NCKAP5: variants seen among roughly 807,000 people sequenced by gnomAD.
The protein encoded by NCKAP5 is NCK associated protein 5.
NCKAP5 carries 92 observed loss-of-function variants against 167.0 expected under a neutral mutation model. The observed-to-expected ratio is 0.55, with a 90% CI of 0.47 to 0.66. The LOEUF (loss-of-function observed/expected upper bound fraction) is 0.66. Ranked by LOEUF, NCKAP5 falls within the 30% of genes least tolerant of loss-of-function variation. The pLI, the probability that NCKAP5 is intolerant of heterozygous loss-of-function variation, is 0.00. For missense variants in NCKAP5, 2,378 were observed against 2,315.0 expected (o/e 1.03, Z -0.56); for synonymous variants, 891 against 877.4 (o/e 1.02, Z -0.27).
intron 4 of NCKAP5, among the ~76,000 whole-genome samples, chr2:133,242,119 C>CAAAAAAAAA (rs1176776551): frequency 6.2e-5 from 3 of 48,266 alleles, no homozygotes; most frequent in African/African-American, 2.1e-4. Context: ...AACTCTGTCT[C>CAAAAAAAAA]AAAAAAAAAA....
At position 133,544,692 on chromosome 2, in the gene NCKAP5, T is replaced by C. The variant is rs377299884; in HGVS notation, c.-62+14358A>G. Among the ~76,000 whole-genome samples, 8 of 152,336 alleles carry C rather than the reference T, an allele frequency of 5.3e-5. No individual in the cohort carries two copies. In the South Asian group the frequency reaches 1.4e-3, roughly 28 times the overall value. On this transcript the variant is annotated intron_variant, in intron 2 of 19. Transcript: ENST00000409261. ...TCTTGTGCATGTCTCTTCACACAAA[T>C]GGATGAACTGTTTTCTAGGATAAAT...
At chr2:133,657,373 C>T in the NCKAP5 span, among the ~76,000 whole-genome samples, 1 of 152,198 alleles carries the variant, frequency 6.6e-6, no homozygotes, top group Non-Finnish European at 1.5e-5. Flanking sequence ...TATTTTTTCA[C>T]TAAATCAGAG....
chr2:133,301,389 G>C (rs1396010870), intron 4 of NCKAP5, among the ~76,000 whole-genome samples: 1 of 73,580 alleles, frequency 1.4e-5, no homozygotes, highest in Non-Finnish European at 2.5e-5. Flanking sequence ...ATACTACAAG[G>C]CTACAGTAAC....
chr2:133,524,091 C>A (rs948293879), intron 2 of NCKAP5, among the ~76,000 whole-genome samples: 14 of 152,102 alleles, frequency 9.2e-5, no homozygotes, highest in African/African-American at 2.9e-4. Flanking sequence ...TAAGGCCCAT[C>A]CCTAGATGGA....
chr2:132,990,027 T>C (rs1188402620), intron 7 of NCKAP5, among the ~76,000 whole-genome samples: 2 of 152,140 alleles, frequency 1.3e-5, no homozygotes, highest in African/African-American at 4.8e-5. Context: ...GCACCAAGCA[T>C]ATGTGCCCTG....
chr2:133,236,876 A>C (rs1290168153), intron 4 of NCKAP5, among the ~76,000 whole-genome samples: 2 of 152,154 alleles, frequency 1.3e-5, no homozygotes, highest in Admixed American at 6.5e-5. Context: ...GTTTCAACTC[A>C]AAGTCCACAT....
intron 6 of NCKAP5, among the ~76,000 whole-genome samples, chr2:133,081,652 T>C (rs2080812217): frequency 6.6e-6 from 1 of 152,190 alleles, no homozygotes; most frequent in Admixed American, 6.5e-5. Context: ...AAGCACACTT[T>C]TACATGCTAC....
intron 5 of NCKAP5, among the ~76,000 whole-genome samples, chr2:133,189,949 A>C (rs2085134626): frequency 6.6e-6 from 1 of 152,132 alleles, no homozygotes; most frequent in African/African-American, 2.4e-5. Context: ...GAAAGAAATA[A>C]AGGGTATTCA....
intron 13 of NCKAP5, among the ~76,000 whole-genome samples, chr2:132,787,943 C>T (rs1313443342): frequency 6.6e-6 from 1 of 152,218 alleles, no homozygotes; most frequent in Non-Finnish European, 1.5e-5. Context: ...TGCCTCCTTT[C>T]TGCCATTCTG....
the NCKAP5 span, among the ~76,000 whole-genome samples, chr2:133,606,440 C>T: frequency 6.6e-6 from 1 of 152,244 alleles, no homozygotes; most frequent in Admixed American, 6.5e-5. Context: ...GGAGGAAGCT[C>T]GTGTGGACTT....
At chr2:133,009,806 AAGCCTGTAATCCT>A (rs1325736102) in intron 6 of NCKAP5, among the ~76,000 whole-genome samples, 3 of 152,184 alleles carry the variant, frequency 2.0e-5, no homozygotes, top group Non-Finnish European at 4.4e-5. Flanking sequence ...GCAGTGGCTC[AAGCCTGTAATCCT>A]AGCACTTTGG....
At chr2:132,975,520 C>T (rs68091983) in intron 7 of NCKAP5, among the ~76,000 whole-genome samples, 8,862 of 152,208 alleles carry the variant, frequency 0.058, 459 homozygotes, top group East Asian at 0.32. Flanking sequence ...AAAAAATAGC[C>T]TCAATTCTAA....
At chr2:133,494,483 T>C (rs1489421587) in intron 3 of NCKAP5, among the ~76,000 whole-genome samples, 1 of 152,120 alleles carries the variant, frequency 6.6e-6, no homozygotes, top group East Asian at 1.9e-4. Flanking sequence ...CTTCAATCCA[T>C]TTTCCATACT....
intron 8 of NCKAP5, among the ~76,000 whole-genome samples, chr2:132,925,094 A>T (rs1181501842): frequency 1.3e-5 from 2 of 151,988 alleles, no homozygotes; most frequent in Non-Finnish European, 2.9e-5. Context: ...GGCACCAAGG[A>T]CCAGTTTCGT....
chr2:132,884,293 G>A (rs1239103006), intron 8 of NCKAP5, among the ~76,000 whole-genome samples: 1 of 152,170 alleles, frequency 6.6e-6, no homozygotes, highest in Non-Finnish European at 1.5e-5. Flanking sequence ...TTCCCAGACT[G>A]TTTCTTCTCT....
chr2:133,382,719 T>C (rs1407688542), intron 3 of NCKAP5, among the ~76,000 whole-genome samples: 1 of 152,216 alleles, frequency 6.6e-6, no homozygotes, highest in Non-Finnish European at 1.5e-5. Flanking sequence ...TGAATAAGCA[T>C]TTGTTTTCTT....
intron 3 of NCKAP5, among the ~76,000 whole-genome samples, chr2:133,362,376 A>G (rs2150872567): frequency 6.6e-6 from 1 of 152,272 alleles, no homozygotes; most frequent in Admixed American, 6.5e-5. Context: ...TTCAGCTGAG[A>G]CTGTGGAAGT....
intron 6 of NCKAP5, among the ~76,000 whole-genome samples, chr2:133,027,039 C>G (rs2078721748): frequency 6.6e-6 from 1 of 152,176 alleles, no homozygotes; most frequent in Non-Finnish European, 1.5e-5. Context: ...GTGAGAGACT[C>G]ACTTCCAAGG....
intron 9 of NCKAP5, 101 bp downstream of exon 9, chr2:132,878,747 G>A (rs1691516569): frequency 1.2e-6 from 1 of 863,100 alleles, no homozygotes; most frequent in Admixed American, 1.9e-5. Flanking sequence ...AGAAAATGCT[G>A]ATGTTTTGTG....
Sources: gnomAD v4.1 joint callset for allele counts (sites outside exome capture counted in the v4.1 genomes callset) on GRCh38, gnomAD v4.1.1 for gene constraint, MANE v1.5 for transcripts, NCBI Gene and HGNC (gene_info 2026-07-23, HGNC 2026-07-21) for gene names.